Variants in GRIP2 observed in about 807,000 individuals in gnomAD.
GRIP2 encodes glutamate receptor interacting protein 2, also known as glutamate receptor-interacting protein 2.
Under a neutral mutation model 108.3 loss-of-function variants are expected in GRIP2, and 58 were observed. That is an observed-to-expected ratio of 0.54 (90% CI 0.43 to 0.67). The LOEUF is 0.67. Among genes scored for constraint, GRIP2 ranks in the 30% least tolerant of loss-of-function variants. GRIP2 has a pLI of 0.00. For missense variants in GRIP2, 1,278 were observed against 1,430.6 expected (o/e 0.89, Z 1.72); for synonymous variants, 586 against 598.2 (o/e 0.98, Z 0.30).
In GRIP2 at chr3:14,493,476, G is replaced by T. The variant is rs892883711; in HGVS notation, c.*189C>A. 2 of 684,190 alleles carry T rather than the reference G, an allele frequency of 2.9e-6. No homozygotes were observed. The highest frequency in any genetic ancestry group is 4.7e-6 in the Non-Finnish European group (2 of 428,578). 42.4% of individuals were successfully genotyped at this position (684,190 alleles called of 1,614,324 possible). On this transcript the variant is annotated 3_prime_UTR_variant, in exon 24 of 24. Coordinates refer to ENST00000621039, the MANE Select transcript of GRIP2 (RefSeq NM_001080423.4). ...GACCCCAGCTGTCACTCCAACTAGGGCAGGACCTCCCTGCCTGGCACCCCA... is the reference window on the plus strand; with the variant it reads ...GACCCCAGCTGTCACTCCAACTAGGTCAGGACCTCCCTGCCTGGCACCCCA...
chr3:14,594,506 G>A, the GRIP2 span, among the ~76,000 whole-genome samples: 1 of 152,344 alleles, frequency 6.6e-6, no homozygotes, highest in Middle Eastern at 3.4e-3. Flanking sequence ...CCTGTCTGGA[G>A]AGTCCCAGAC....
chr3:14,495,291 C>G (rs1693561441), intron 22 of GRIP2, among the ~76,000 whole-genome samples: 1 of 152,216 alleles, frequency 6.6e-6, no homozygotes, highest in African/African-American at 2.4e-5. Context: ...GGCCAGGGCA[C>G]TGTTACCTCC....
intron 21 of GRIP2, among the ~76,000 whole-genome samples, chr3:14,501,919 G>A (rs1217195617): frequency 6.6e-6 from 1 of 151,998 alleles, no homozygotes; most frequent in East Asian, 1.9e-4. Context: ...GGAGATTGTG[G>A]AGAGAGTGAG....
rs140723085 is a variant in GRIP2, at chr3:14,507,729, G to T, written c.2079-29C>A. On this transcript the variant is annotated intron_variant, in intron 17 of 23. Transcript: ENST00000621039. This position sits in a 1 kb window ranked among gnomAD's most constrained non-coding sequence, Gnocchi z 4.6. ...AGGAGTGGATGCAGGGCAGAGAATGGGAGTTAGACACTCAGGGCCTCAGAG... is the reference window on the plus strand; with the variant it reads ...AGGAGTGGATGCAGGGCAGAGAATGTGAGTTAGACACTCAGGGCCTCAGAG... The T allele has an allele frequency of 1.1e-4, 170 of 1,601,072 alleles. No homozygotes were observed. The African/African-American group carries it at 2.1e-3, about 20-fold the overall frequency.
At chr3:14,587,932 G>T in the GRIP2 span, among the ~76,000 whole-genome samples, 9 of 152,112 alleles carry the variant, frequency 5.9e-5, no homozygotes, top group Non-Finnish European at 1.2e-4. Context: ...GCATTCCTCT[G>T]CAGTGACATA....
intron 1 of GRIP2, among the ~76,000 whole-genome samples, chr3:14,539,538 G>C (rs940284731): frequency 1.3e-5 from 2 of 152,214 alleles, no homozygotes; most frequent in Non-Finnish European, 2.9e-5. Flanking sequence ...GTGGTGCAAA[G>C]ATATGTCAAG....
At chr3:14,581,458 C>A in the GRIP2 span, among the ~76,000 whole-genome samples, 2 of 152,362 alleles carry the variant, frequency 1.3e-5, no homozygotes, top group African/African-American at 4.8e-5. Flanking sequence ...GCTGACACTG[C>A]TTCCAAGAAG....
the GRIP2 span, among the ~76,000 whole-genome samples, chr3:14,600,355 C>T: frequency 6.6e-6 from 1 of 152,174 alleles, no homozygotes; most frequent in South Asian, 2.1e-4. Context: ...TTCTGACCAC[C>T]CCGCGAGGCT....
chr3:14,557,055 G>C (rs541600555), upstream of GRIP2, among the ~76,000 whole-genome samples: 15 of 152,362 alleles, frequency 9.8e-5, no homozygotes, highest in Admixed American at 2.0e-4. Context: ...CAGAAATCAG[G>C]CTTTGCCTGT....
chr3:14,524,579 G>A (rs1370288164), intron 3 of GRIP2, 41 bp from the exon 4 acceptor site: 2 of 1,540,824 alleles, frequency 1.3e-6, no homozygotes, highest in Non-Finnish European at 1.8e-6. Flanking sequence ...AACAGGTGCT[G>A]GCCCATGCAG....
At chr3:14,517,707 G>T in intron 10 of GRIP2, 65 bp downstream of exon 10, 1 of 1,580,702 alleles carries the variant, frequency 6.3e-7, no homozygotes, top group Non-Finnish European at 8.6e-7. Flanking sequence ...TTAGACAACA[G>T]GCATCGCCCC....
At chr3:14,601,692 C>G in the GRIP2 span, among the ~76,000 whole-genome samples, 13 of 152,190 alleles carry the variant, frequency 8.5e-5, no homozygotes, top group Non-Finnish European at 1.9e-4. Flanking sequence ...AGAAGACAGA[C>G]CCTACTTGGC....
rs772972429 is a variant in GRIP2, at chr3:14,540,279, A to G, written c.30T>C (p.Pro10=). ...CCCCCCATTACGTACCCGCCTCTCC[A>G]GGGGTCTCCCGGCTGAGCCCACACA... The part of the protein sequence containing the change: MLCGLSRET[P]GEADDGPYSK... The change falls in exon 1 of 24, where the codon CCT becomes CCC. Residue 10 remains proline (P), a synonymous_variant. Coordinates refer to ENST00000621039, the MANE Select transcript of GRIP2 (RefSeq NM_001080423.4). The surrounding 1 kb of genome is among the most constrained non-coding windows in gnomAD (Gnocchi z 4.1). 10 of 1,613,486 alleles carry G rather than the reference A, an allele frequency of 6.2e-6. No individual in the cohort carries two copies. The Admixed American group carries it at 1.5e-4, about 24-fold the overall frequency.
At chr3:14,527,995 C>A (rs906819880) in intron 1 of GRIP2, among the ~76,000 whole-genome samples, 3 of 152,142 alleles carry the variant, frequency 2.0e-5, no homozygotes, top group Non-Finnish European at 4.4e-5. Flanking sequence ...TCCTGACCAC[C>A]ACCACGACCA....
intron 1 of GRIP2, among the ~76,000 whole-genome samples, chr3:14,553,060 A>G (rs1695177937): frequency 6.7e-6 from 1 of 148,448 alleles, no homozygotes; most frequent in Non-Finnish European, 1.5e-5. Context: ...CAAGACTCTC[A>G]TGGGGTCTTG....
At chr3:14,523,200 T>G (rs1694461068) in intron 5 of GRIP2, 125 bp from the exon 6 acceptor site, 2 of 713,836 alleles carry the variant, frequency 2.8e-6, no homozygotes, top group South Asian at 3.6e-5. Flanking sequence ...TTGCTATCCA[T>G]GGACCCTCTT....
chr3:14,513,431 C>T (rs1007257352), intron 13 of GRIP2, among the ~76,000 whole-genome samples: 3 of 152,200 alleles, frequency 2.0e-5, no homozygotes, highest in Admixed American at 6.5e-5. Context: ...GTATTTTCAG[C>T]TCCCCAACCC....
the GRIP2 span, among the ~76,000 whole-genome samples, chr3:14,581,738 C>A: frequency 6.6e-6 from 1 of 152,200 alleles, no homozygotes; most frequent in East Asian, 1.9e-4. Context: ...TGGATGTAGC[C>A]CTTCCTGATG....
chr3:14,560,443 T>G (rs777509542), upstream of GRIP2, among the ~76,000 whole-genome samples: 6 of 152,204 alleles, frequency 3.9e-5, no homozygotes, highest in Non-Finnish European at 8.8e-5. Context: ...GCTTTGTCTT[T>G]CAGCTCCAGG....
Sources: gnomAD v4.1 joint callset for allele counts (sites outside exome capture counted in the v4.1 genomes callset) on GRCh38, gnomAD v4.1.1 for gene constraint, Gnocchi (gnomAD v3.1) non-coding constraint, MANE v1.5 for transcripts, NCBI Gene and HGNC (gene_info 2026-07-23, HGNC 2026-07-21) for gene names.